Variants in TNR observed in about 807,000 individuals in gnomAD.
TNR encodes tenascin R, also known as tenascin-R.
A neutral mutation model predicts 150.4 loss-of-function variants in TNR; 45 were observed. The ratio of observed to expected loss-of-function variants is 0.30; its 90% CI spans 0.24 to 0.38. The LOEUF (loss-of-function observed/expected upper bound fraction) is 0.38. Among genes scored for constraint, TNR ranks in the 10% least tolerant of loss-of-function variants. The pLI, the probability that TNR is intolerant of heterozygous loss-of-function variation, is 1.00. For synonymous variants in TNR, 687 were observed against 678.4 expected (o/e 1.01, Z -0.20); for missense variants, 1,544 against 1,759.1 (o/e 0.88, Z 2.19).
chr1:175,506,780 G>A (rs1421001390), intron 2 of TNR, among the ~76,000 whole-genome samples: 1 of 152,202 alleles, frequency 6.6e-6, no homozygotes, highest in Admixed American at 6.5e-5. Context: ...TCACAACAAT[G>A]AGGCAGGGAA....
At chr1:175,608,471 G>A (rs930501164) in intron 1 of TNR, among the ~76,000 whole-genome samples, 2 of 152,240 alleles carry the variant, frequency 1.3e-5, no homozygotes, top group African/African-American at 4.8e-5. Flanking sequence ...TTTGACCTTG[G>A]GATAGGCAAG....
At chr1:175,658,792 C>T (rs893985211) in intron 1 of TNR, among the ~76,000 whole-genome samples, 1 of 152,202 alleles carries the variant, frequency 6.6e-6, no homozygotes, top group African/African-American at 2.4e-5. Flanking sequence ...GACAGAATTT[C>T]TCCTTTCCTC....
chr1:175,440,365 G>C (rs1339937793), intron 2 of TNR, among the ~76,000 whole-genome samples: 1 of 150,026 alleles, frequency 6.7e-6, no homozygotes, highest in African/African-American at 2.5e-5. Flanking sequence ...TCATACACCG[G>C]GGACTGTTGT....
chr1:175,638,814 T>C (rs1015189793), intron 1 of TNR, among the ~76,000 whole-genome samples: 2 of 152,242 alleles, frequency 1.3e-5, no homozygotes, highest in East Asian at 1.9e-4. Flanking sequence ...TCCGTCCTTG[T>C]TGGCATCTAG....
intron 13 of TNR, 127 bp from the exon 14 acceptor site, chr1:175,362,936 A>C: frequency 8.7e-7 from 1 of 1,149,482 alleles, no homozygotes; most frequent in Non-Finnish European, 1.3e-6. Context: ...GGGATGATAC[A>C]TGGTTCATGG....
intron 2 of TNR, among the ~76,000 whole-genome samples, chr1:175,469,212 C>A (rs1657167504): frequency 6.6e-6 from 1 of 152,114 alleles, no homozygotes; most frequent in Admixed American, 6.5e-5. Flanking sequence ...GGAAGAGATG[C>A]ACCTTGTTCT....
Position 175,458,600 on chromosome 1 carries a change from A to G in TNR, c.-63-51823T>C, listed in dbSNP as rs537782880. On this transcript the variant is annotated intron_variant, in intron 2 of 22. Transcript: ENST00000367674. ...GCCTTTAGAAGAGAGGATGGTCAGG[A>G]CACCTCGTCCCAAAGTCAAGAAAGT... 2.0e-5 allele frequency among the ~76,000 whole-genome samples: 3 copies of G among 152,296 alleles called. No individual in the cohort carries two copies. The East Asian group carries it at 5.8e-4, about 29-fold the overall frequency.
At chr1:175,708,249 T>C (rs1349836603) in intron 1 of TNR, among the ~76,000 whole-genome samples, 2 of 152,156 alleles carry the variant, frequency 1.3e-5, no homozygotes, top group African/African-American at 4.8e-5. Context: ...CAGGGCCACC[T>C]CCTTCCTTTC....
chr1:175,327,747 G>T (rs1029066852), intron 21 of TNR, among the ~76,000 whole-genome samples: 4 of 152,080 alleles, frequency 2.6e-5, no homozygotes, highest in Non-Finnish European at 5.9e-5. Flanking sequence ...AATCCCAGTC[G>T]AATGCAGCTG....
intron 1 of TNR, among the ~76,000 whole-genome samples, chr1:175,640,986 C>T (rs1442589792): frequency 6.6e-6 from 1 of 152,120 alleles, no homozygotes; most frequent in Non-Finnish European, 1.5e-5. Flanking sequence ...AGAAATTACT[C>T]ATCAAGCTGT....
intron 2 of TNR, among the ~76,000 whole-genome samples, chr1:175,502,139 C>T (rs1052434632): frequency 2.6e-5 from 4 of 152,258 alleles, no homozygotes; most frequent in African/African-American, 7.2e-5. Context: ...GCCTAGGTCC[C>T]ACCTCAGACT....
intron 2 of TNR, among the ~76,000 whole-genome samples, chr1:175,476,762 G>A (rs1169908971): frequency 1.3e-5 from 2 of 152,162 alleles, no homozygotes; most frequent in African/African-American, 4.8e-5. Flanking sequence ...TAAAGTAATA[G>A]AGACATATTA....
chr1:175,487,279 C>G (rs1329698470), intron 2 of TNR, among the ~76,000 whole-genome samples: 3 of 152,178 alleles, frequency 2.0e-5, no homozygotes, highest in Non-Finnish European at 4.4e-5. Context: ...AATGCTGCCA[C>G]TGATCCGACA....
intron 18 of TNR, among the ~76,000 whole-genome samples, chr1:175,344,442 G>A (rs61806379): frequency 0.15 from 23,282 of 152,158 alleles, 1,940 homozygotes; most frequent in African/African-American, 0.19. Context: ...AAGTCAGCAC[G>A]AATTGGTCTT....
At chr1:175,325,066 C>T (rs1395131034) in intron 21 of TNR, among the ~76,000 whole-genome samples, 4 of 152,190 alleles carry the variant, frequency 2.6e-5, no homozygotes, top group Non-Finnish European at 2.9e-5. Flanking sequence ...AAAAACATAA[C>T]CATGTCAAAG....
chr1:175,380,999 T>C (rs1652649160), intron 8 of TNR, among the ~76,000 whole-genome samples: 1 of 152,266 alleles, frequency 6.6e-6, no homozygotes, highest in Non-Finnish European at 1.5e-5. Flanking sequence ...AGAAGTGTTC[T>C]GTTTAGCGAT....
intron 1 of TNR, among the ~76,000 whole-genome samples, chr1:175,723,168 G>T (rs9787193): frequency 0.4 from 61,493 of 152,184 alleles, 14,286 homozygotes; most frequent in East Asian, 0.67. Context: ...ATAGAAAGAT[G>T]CACAATAGAC....
At chr1:175,381,464 G>A (rs552650102) in intron 8 of TNR, among the ~76,000 whole-genome samples, 2 of 152,312 alleles carry the variant, frequency 1.3e-5, no homozygotes, top group South Asian at 4.1e-4. Context: ...TGTCTCTGAA[G>A]GGACCAGATA....
At chr1:175,527,032 A>G (rs769088318) in intron 2 of TNR, among the ~76,000 whole-genome samples, 8 of 152,224 alleles carry the variant, frequency 5.3e-5, no homozygotes, top group Admixed American at 4.6e-4. Flanking sequence ...TTATCCACAC[A>G]AGTGCTTTCC....
Sources: gnomAD v4.1 joint callset for allele counts (sites outside exome capture counted in the v4.1 genomes callset) on GRCh38, gnomAD v4.1.1 for gene constraint, MANE v1.5 for transcripts, NCBI Gene and HGNC (gene_info 2026-07-23, HGNC 2026-07-21) for gene names.